KIAA1217: variants seen among roughly 807,000 people sequenced by gnomAD.
KIAA1217 encodes KIAA1217.
In KIAA1217, 88 loss-of-function variants were observed where a neutral mutation model predicts 163.9. The ratio of observed to expected loss-of-function variants is 0.54; its 90% confidence interval spans 0.45 to 0.64. The LOEUF is 0.64. Among genes scored for constraint, KIAA1217 ranks in the 30% least tolerant of loss-of-function variants. The probability of loss-of-function intolerance (pLI) is 0.00; values close to 1 mark genes in which losing one functional copy is unlikely to be tolerated. For synonymous variants in KIAA1217, 903 were observed against 923.1 expected (o/e 0.98, Z 0.39); for missense variants, 2,372 against 2,475.0 (o/e 0.96, Z 0.88).
At chr10:24,468,698 GTCCTCATTGGC>G in intron 5 of KIAA1217, among the ~76,000 whole-genome samples, 1 of 152,314 alleles carries the variant, frequency 6.6e-6, no homozygotes, top group East Asian at 1.9e-4. Context: ...GCAAGCAGCC[GTCCTCATTGGC>G]TGAGGTCCCA....
intron 1 of KIAA1217, among the ~76,000 whole-genome samples, chr10:23,723,829 C>G (rs781047691): frequency 6.6e-6 from 1 of 151,938 alleles, no homozygotes; most frequent in Admixed American, 6.6e-5. Flanking sequence ...TGTATTAGGC[C>G]GTTCTCAGAT....
chr10:24,331,694 A>G (rs1223599185), intron 2 of KIAA1217, among the ~76,000 whole-genome samples: 1 of 152,274 alleles, frequency 6.6e-6, no homozygotes, highest in Non-Finnish European at 1.5e-5. Context: ...CTCAGGCAGG[A>G]AATGAGAAGC....
intron 5 of KIAA1217, among the ~76,000 whole-genome samples, chr10:24,445,849 A>G (rs1274268548): frequency 1.3e-5 from 2 of 152,068 alleles, no homozygotes; most frequent in African/African-American, 2.4e-5. Flanking sequence ...ATACCTGTGC[A>G]TGTGTCTTTA....
intron 2 of KIAA1217, among the ~76,000 whole-genome samples, chr10:24,115,295 T>A (rs775127728): frequency 2.0e-5 from 3 of 152,202 alleles, no homozygotes; most frequent in Admixed American, 2.0e-4. Flanking sequence ...GCTACATTCA[T>A]GGAAAGTCAG....
chr10:24,203,678 T>C (rs909766378), intron 2 of KIAA1217, among the ~76,000 whole-genome samples: 25 of 152,064 alleles, frequency 1.6e-4, no homozygotes, highest in African/African-American at 6.0e-4. Flanking sequence ...GGGTTGATAA[T>C]GAGGCACTGT....
At chr10:23,819,171 G>A (rs895530653) in intron 1 of KIAA1217, among the ~76,000 whole-genome samples, 1 of 152,094 alleles carries the variant, frequency 6.6e-6, no homozygotes, top group South Asian at 2.1e-4. Flanking sequence ...TTCTTTCTTG[G>A]GAGCAGAATC....
At chr10:24,253,431 T>C (rs1395408202) in intron 2 of KIAA1217, among the ~76,000 whole-genome samples, 1 of 152,160 alleles carries the variant, frequency 6.6e-6, no homozygotes, top group Non-Finnish European at 1.5e-5. Context: ...AGCTTGAAGA[T>C]CTGTGATTTG....
chr10:24,300,369 T>G (rs533393129), intron 2 of KIAA1217, among the ~76,000 whole-genome samples: 74 of 152,324 alleles, frequency 4.9e-4, no homozygotes, highest in Non-Finnish European at 9.6e-4. Flanking sequence ...TGGACCATTT[T>G]CCTTCTCCTC....
intron 2 of KIAA1217, among the ~76,000 whole-genome samples, chr10:24,293,141 C>T (rs1401200422): frequency 6.6e-6 from 1 of 152,206 alleles, no homozygotes; most frequent in African/African-American, 2.4e-5. Context: ...CTCCTGGGTT[C>T]AAGCAGTTAT....
At chr10:24,151,833 G>T (rs1201889689) in intron 2 of KIAA1217, among the ~76,000 whole-genome samples, 1 of 151,970 alleles carries the variant, frequency 6.6e-6, no homozygotes, top group South Asian at 2.1e-4. Flanking sequence ...GAGAACTGAG[G>T]GCCAGATGGG....
intron 2 of KIAA1217, among the ~76,000 whole-genome samples, chr10:24,056,260 G>A (rs1412197881): frequency 6.6e-6 from 1 of 152,032 alleles, no homozygotes; most frequent in Admixed American, 6.6e-5. Context: ...CCTGGGAGAT[G>A]GAGGTCACGG....
chr10:24,285,197 G>A (rs1011357636), intron 2 of KIAA1217, among the ~76,000 whole-genome samples: 7 of 152,178 alleles, frequency 4.6e-5, no homozygotes, highest in Admixed American at 4.6e-4. Context: ...CCTGTTGATA[G>A]TATCTTTTGC....
chr10:24,310,522 T>C lies in KIAA1217; in HGVS notation c.355-70347T>C, dbSNP rs556466849. On this transcript the variant is annotated intron_variant, in intron 2 of 20. Coordinates refer to ENST00000376454, the MANE Select transcript of KIAA1217 (RefSeq NM_019590.5). ...AGTTTTAGTAAAACTTTCTCAGTTT[T>C]CAGGAAACAAAAGTTATATATTTTA... 1.1e-4 allele frequency among the ~76,000 whole-genome samples: 17 copies of C among 152,316 alleles called. No homozygotes were observed. In the East Asian group the frequency reaches 2.7e-3, roughly 24 times the overall value.
intron 2 of KIAA1217, among the ~76,000 whole-genome samples, chr10:24,342,976 A>G (rs1356640116): frequency 6.6e-6 from 1 of 152,104 alleles, no homozygotes; most frequent in Non-Finnish European, 1.5e-5. Context: ...TTTAATGATT[A>G]CATTGTTTAC....
At chr10:23,859,810 T>A (rs1839870561) in intron 1 of KIAA1217, among the ~76,000 whole-genome samples, 1 of 152,174 alleles carries the variant, frequency 6.6e-6, no homozygotes, top group African/African-American at 2.4e-5. Flanking sequence ...TGTCACTGTG[T>A]TTAGACTCAA....
intron 2 of KIAA1217, among the ~76,000 whole-genome samples, chr10:24,127,085 G>A (rs2063495870): frequency 6.6e-6 from 1 of 152,126 alleles, no homozygotes; most frequent in Non-Finnish European, 1.5e-5. Flanking sequence ...AAAAGAAAAA[G>A]CAGAACAAGA....
intron 1 of KIAA1217, among the ~76,000 whole-genome samples, chr10:23,873,110 AC>A: frequency 6.6e-6 from 1 of 152,214 alleles, no homozygotes; most frequent in African/African-American, 2.4e-5. Flanking sequence ...ATATTCTGAT[AC>A]CAGGAATAGA....
intron 1 of KIAA1217, among the ~76,000 whole-genome samples, chr10:24,005,394 G>T (rs968891842): frequency 2.6e-5 from 4 of 152,116 alleles, no homozygotes; most frequent in Non-Finnish European, 5.9e-5. Flanking sequence ...TCAGGCAATT[G>T]ATTACTATTA....
At chr10:24,153,628 ATTG>A (rs1328399097) in intron 2 of KIAA1217, among the ~76,000 whole-genome samples, 1 of 152,114 alleles carries the variant, frequency 6.6e-6, no homozygotes, top group Non-Finnish European at 1.5e-5. Flanking sequence ...TGACCTGTAT[ATTG>A]TTCTCAAACT....
Sources: gnomAD v4.1 joint callset for allele counts (sites outside exome capture counted in the v4.1 genomes callset) on GRCh38, gnomAD v4.1.1 for gene constraint, MANE v1.5 for transcripts, NCBI Gene and HGNC (gene_info 2026-07-23, HGNC 2026-07-21) for gene names.